Variants in SATB1 observed in about 807,000 individuals in gnomAD.
SATB1 encodes the protein SATB homeobox 1.
Under a neutral mutation model 86.9 loss-of-function variants are expected in SATB1, and 11 were observed. That is an observed-to-expected ratio of 0.13 (90% CI 0.08 to 0.21). The LOEUF is 0.21. Ranked by LOEUF, SATB1 falls within the 10% of genes least tolerant of loss-of-function variation. The probability of loss-of-function intolerance (pLI) is 1.00; values close to 1 mark genes in which losing one functional copy is unlikely to be tolerated. For synonymous variants in SATB1, 357 were observed against 357.2 expected (o/e 1.00, Z 0.01); for missense variants, 551 against 937.6 (o/e 0.59, Z 5.39).
At chr3:18,415,637 GAC>G (rs1698070981) in intron 4 of SATB1, among the ~76,000 whole-genome samples, 3 of 152,050 alleles carry the variant, frequency 2.0e-5, no homozygotes, top group Admixed American at 1.3e-4. Context: ...TAGTGAATAA[GAC>G]AGTCTTTCAC....
rs1694404722 is a variant in SATB1 at position 18,352,285 on chromosome 3, T to C, written c.1576-90A>G. The C allele has an allele frequency of 2.0e-5, 23 of 1,152,872 alleles. No individual in the cohort carries two copies. In the South Asian group the frequency reaches 3.0e-4, roughly 15 times the overall value. The allele number at this position is 1,152,872 out of a possible 1,614,324, so 71.4% of individuals were successfully genotyped here. On this transcript the variant is annotated intron_variant, in intron 9 of 10. Transcript: ENST00000338745. This position sits in a 1 kb window ranked among gnomAD's most constrained non-coding sequence, Gnocchi z 4.1. ...AGCTAAAAAGGAAAAACCCTATGAATTAACTTTTTCATAAGCTCAGAACAC... is the reference window on the plus strand; with the variant it reads ...AGCTAAAAAGGAAAAACCCTATGAACTAACTTTTTCATAAGCTCAGAACAC...
chr3:18,398,352 T>C (rs2125123201), intron 5 of SATB1, among the ~76,000 whole-genome samples: 1 of 152,236 alleles, frequency 6.6e-6, no homozygotes, highest in Non-Finnish European at 1.5e-5. Context: ...AGGAGTAAGA[T>C]TTTGTAGCAC....
intron 9 of SATB1, among the ~76,000 whole-genome samples, chr3:18,362,967 A>T (rs766422586): frequency 2.6e-5 from 4 of 151,852 alleles, no homozygotes; most frequent in South Asian, 2.1e-4. Flanking sequence ...GTCTGCTTAC[A>T]AAAATAATTT....
intron 8 of SATB1, among the ~76,000 whole-genome samples, chr3:18,381,036 G>A (rs1345356245): frequency 1.3e-5 from 2 of 152,164 alleles, no homozygotes; most frequent in Non-Finnish European, 2.9e-5. Flanking sequence ...TTTTATCAAG[G>A]TAGGGTGTAC....
rs1436537755 is a variant in SATB1, at chr3:18,386,926, T to TTA, written c.1207-317_1207-316dup. ...GGGAAGTTAAGAATAAACGAAATCC[T>TTA]TATAATGCAACAGCACTGAACTGTA... On this transcript the variant is annotated intron_variant, in intron 7 of 10. Coordinates refer to ENST00000338745, the MANE Select transcript of SATB1 (RefSeq NM_002971.6). The surrounding 1 kb of genome is among the most constrained non-coding windows in gnomAD (Gnocchi z 4.5). 6.6e-6 allele frequency among the ~76,000 whole-genome samples: 1 copy of TTA among 152,222 alleles called. No individual in the cohort carries two copies. Among genetic ancestry groups the TTA allele is most frequent in the African/African-American group, 2.4e-5 (1 of 41,456 alleles).
chr3:18,358,370 G>A (rs932839217), intron 9 of SATB1, among the ~76,000 whole-genome samples: 4 of 151,954 alleles, frequency 2.6e-5, no homozygotes, highest in Non-Finnish European at 5.9e-5. Context: ...AACATTATGA[G>A]AGGCCCCCAC....
At chr3:18,384,624 T>G (rs1489573505) in intron 8 of SATB1, among the ~76,000 whole-genome samples, 1 of 152,170 alleles carries the variant, frequency 6.6e-6, no homozygotes, top group Non-Finnish European at 1.5e-5. Flanking sequence ...AGTGTGTGTA[T>G]TAACACTAAA....
chr3:18,407,583 G>C (rs1172731816), intron 5 of SATB1, among the ~76,000 whole-genome samples: 1 of 151,970 alleles, frequency 6.6e-6, no homozygotes, highest in Admixed American at 6.6e-5. Context: ...CGAGACATTG[G>C]TACTATTATC....
intron 5 of SATB1, 38 bp downstream of exon 5, chr3:18,415,073 A>C (rs1483922697): frequency 6.2e-7 from 1 of 1,609,306 alleles, no homozygotes; most frequent in South Asian, 1.1e-5. Flanking sequence ...AGGGTTGCCC[A>C]TGATGTCTTA....
chr3:18,396,946 G>A (rs1013189912), intron 6 of SATB1, among the ~76,000 whole-genome samples: 2 of 152,026 alleles, frequency 1.3e-5, no homozygotes, highest in South Asian at 2.1e-4. Flanking sequence ...CCCTCCCAAC[G>A]CCTCAATTTC....
intron 8 of SATB1, among the ~76,000 whole-genome samples, chr3:18,382,137 A>T (rs1696096484): frequency 6.6e-6 from 1 of 152,194 alleles, no homozygotes; most frequent in Non-Finnish European, 1.5e-5. Flanking sequence ...TCTTGTAAAG[A>T]GACAAAATAG....
chr3:18,365,275 A>G lies in SATB1; in HGVS notation c.1575+12895T>C, dbSNP rs138831783. Among the ~76,000 whole-genome samples, 21 of 152,308 alleles carry G rather than the reference A, an allele frequency of 1.4e-4. No individual in the cohort carries two copies. In the East Asian group the frequency reaches 4.1e-3, roughly 29 times the overall value. ...ACATCATGTCATCCAAGTAATTTTA[A>G]AGGTAAATAAGATTAGCAGAGTATC... On this transcript the variant is annotated intron_variant, in intron 9 of 10. Transcript: ENST00000338745.
intron 5 of SATB1, 122 bp downstream of exon 5, chr3:18,414,989 C>T: frequency 1.8e-6 from 2 of 1,092,552 alleles, no homozygotes; most frequent in Non-Finnish European, 2.7e-6. Context: ...GGTCAAGTCA[C>T]TTTGCATTTT....
At chr3:18,389,485 C>G (rs1370658083) in intron 7 of SATB1, among the ~76,000 whole-genome samples, 1 of 152,000 alleles carries the variant, frequency 6.6e-6, no homozygotes, top group Non-Finnish European at 1.5e-5. Flanking sequence ...TAGCTGCACT[C>G]ATATTTATAT....
At chr3:18,366,910 CT>C (rs1695215690) in intron 9 of SATB1, among the ~76,000 whole-genome samples, 1 of 152,196 alleles carries the variant, frequency 6.6e-6, no homozygotes, top group Non-Finnish European at 1.5e-5. Context: ...AAACTCTTAC[CT>C]TTTGTTTCCC....
chr3:18,351,957 T>C, intron 10 of SATB1, 35 bp downstream of exon 10: 1 of 1,595,992 alleles, frequency 6.3e-7, no homozygotes, highest in Non-Finnish European at 8.6e-7. Flanking sequence ...CTTTATTTAC[T>C]TATTGCTATA....
chr3:18,347,714 C>A lies in SATB1; in HGVS notation c.*1456G>T, dbSNP rs992160063. ...GAGTCTTTTGACCATCCTATCTCTA[C>A]TTATTAAGCAAAATGTTAACCAAAC... On this transcript the variant is annotated 3_prime_UTR_variant, in exon 11 of 11. Coordinates refer to ENST00000338745, the MANE Select transcript of SATB1 (RefSeq NM_002971.6). 1.3e-5 allele frequency: 2 copies of A among 152,166 alleles called. No individual in the cohort carries two copies. Among genetic ancestry groups the A allele is most frequent in the Admixed American group, 1.3e-4 (2 of 15,278 alleles). 9.4% of individuals were successfully genotyped at this position (152,166 alleles called of 1,614,324 possible).
intron 9 of SATB1, among the ~76,000 whole-genome samples, chr3:18,362,400 G>A (rs887441432): frequency 6.6e-6 from 1 of 151,998 alleles, no homozygotes; most frequent in Non-Finnish European, 1.5e-5. Context: ...ACAAATTCAA[G>A]CGGCAGCAAA....
At chr3:18,387,938 G>C (rs554770029) in intron 7 of SATB1, among the ~76,000 whole-genome samples, 1 of 152,160 alleles carries the variant, frequency 6.6e-6, no homozygotes, top group East Asian at 1.9e-4. Flanking sequence ...TGCAACAGTT[G>C]GGTGCAGACA....
Sources: allele counts gnomAD v4.1 joint callset (sites outside exome capture counted in the v4.1 genomes callset), GRCh38; gene constraint gnomAD v4.1.1; non-coding constraint Gnocchi (gnomAD v3.1); transcripts MANE v1.5; gene names NCBI Gene and HGNC (gene_info 2026-07-23, HGNC 2026-07-21).